SLC17A6: variants seen among roughly 807,000 people sequenced by gnomAD.
SLC17A6 encodes vesicular glutamate transporter 2.
A neutral mutation model predicts 67.1 loss-of-function variants in SLC17A6; 35 were observed. The ratio of observed to expected loss-of-function variants is 0.52; its 90% CI spans 0.40 to 0.69. The LOEUF is 0.69. SLC17A6 is among the 30% of genes least tolerant of loss of function. SLC17A6 has a pLI of 0.00. For synonymous variants in SLC17A6, 285 were observed against 252.3 expected, an observed-to-expected ratio of 1.13 and a Z score of -1.23; for missense variants, 588 against 723.9, an observed-to-expected ratio of 0.81 and a Z score of 2.15.
Position 22,376,106 on chromosome 11 carries a change from T to G in SLC17A6, c.1285+14T>G. ...TTGCTATATCTGGTAAGATATAATT[T>G]TTTTTCTTTGTACTTGGGACATTCT... On this transcript the variant is annotated intron_variant, in intron 10 of 11. Transcript: ENST00000263160. The G allele has an allele frequency of 6.3e-7, 1 of 1,590,414 alleles. No individual in the cohort carries two copies. The highest frequency in any genetic ancestry group is 1.1e-5 in the South Asian group (1 of 88,136).
intron 8 of SLC17A6, among the ~76,000 whole-genome samples, chr11:22,371,101 T>C (rs1856170583): frequency 6.6e-6 from 1 of 152,118 alleles, no homozygotes; most frequent in Non-Finnish European, 1.5e-5. Flanking sequence ...ACAAAGATTC[T>C]TTGATTTCTG....
At chr11:22,362,673 G>A in intron 5 of SLC17A6, 66 bp from the exon 6 acceptor site, 10 of 1,318,208 alleles carry the variant, frequency 7.6e-6, no homozygotes, top group Non-Finnish European at 1.1e-5. Flanking sequence ...ACAAAGGAAT[G>A]TGAGATGATA....
In SLC17A6 at chr11:22,351,267, A is replaced by G. The variant is rs1421175509; in HGVS notation, c.458+7902A>G. On this transcript the variant is annotated intron_variant, in intron 3 of 11. Coordinates refer to ENST00000263160, the MANE Select transcript of SLC17A6 (RefSeq NM_020346.3). ...TTATTATATTTCAGATTCAAGGGAT[A>G]CATGTACAGGCTTGTCATGTGGATA... Among the ~76,000 whole-genome samples the G allele has an allele frequency of 4.6e-5, 7 of 152,282 alleles. No individual in the cohort carries two copies. The South Asian group carries it at 1.4e-3, about 32-fold the overall frequency.
At chr11:22,354,961 A>G (rs1221730308) in intron 3 of SLC17A6, among the ~76,000 whole-genome samples, 1 of 152,208 alleles carries the variant, frequency 6.6e-6, no homozygotes, top group Non-Finnish European at 1.5e-5. Context: ...GCATCAGACT[A>G]AGTCCTTTAG....
At chr11:22,362,714 T>C (rs1244498073) in intron 5 of SLC17A6, 25 bp from the exon 6 acceptor site, 3 of 1,582,322 alleles carry the variant, frequency 1.9e-6, no homozygotes, top group Non-Finnish European at 1.7e-6. Flanking sequence ...CACTCACCTT[T>C]CTCCCATTCT....
At chr11:22,338,913 T>C (rs1383552926) in intron 1 of SLC17A6, among the ~76,000 whole-genome samples, 1 of 150,628 alleles carries the variant, frequency 6.6e-6, no homozygotes, top group Non-Finnish European at 1.5e-5. Context: ...TTTATCTTCT[T>C]TACAGTTAAG....
Position 22,377,715 on chromosome 11 carries a change from A to T in SLC17A6, c.1724A>T (p.Tyr575Phe). 3.8e-6 allele frequency: 6 copies of T among 1,589,594 alleles called. No individual in the cohort carries two copies. Among genetic ancestry groups the T allele is most frequent in the Non-Finnish European group, 5.1e-6 (6 of 1,168,782 alleles). The change falls in exon 12 of 12, where the codon TAT becomes TTT. Residue 575 changes from tyrosine (Y) to phenylalanine (F), a missense_variant. Transcript: ENST00000263160. ...GGAGAAGTACAAGACTCACATAGCT[A>T]TAAGGACCGAGTTGATTATTCATAA... ...VQGEVQDSHS[Y>F]KDRVDYS
intron 4 of SLC17A6, among the ~76,000 whole-genome samples, chr11:22,359,823 A>G (rs1856029638): frequency 6.6e-6 from 1 of 152,152 alleles, no homozygotes; most frequent in Non-Finnish European, 1.5e-5. Flanking sequence ...GTGTCATGAC[A>G]AGAATTTTAG....
At chr11:22,373,346 TTTG>T (rs1278670166) in intron 8 of SLC17A6, among the ~76,000 whole-genome samples, 1 of 152,158 alleles carries the variant, frequency 6.6e-6, no homozygotes, top group African/African-American at 2.4e-5. Context: ...TCAGAATGTT[TTTG>T]TTGTTGTTCA....
intron 3 of SLC17A6, among the ~76,000 whole-genome samples, chr11:22,351,108 A>G (rs1033558029): frequency 6.6e-6 from 1 of 152,112 alleles, no homozygotes; most frequent in Admixed American, 6.6e-5. Context: ...CATCTTCATA[A>G]TTGCCTTTGT....
rs930513200 is a variant in SLC17A6, at chr11:22,338,475, C to T, written c.-59C>T. ...AGATTAAGACAATATGCGCAATCCT[C>T]GCCTTTCCTAGCAATCACTATTTAA... On this transcript the variant is annotated 5_prime_UTR_variant, in exon 1 of 12. Transcript: ENST00000263160. The T allele has an allele frequency of 6.4e-6, 8 of 1,249,918 alleles. No homozygotes were observed. The highest frequency in any genetic ancestry group is 3.8e-4 in the Middle Eastern group (2 of 5,302). 77.4% of individuals were successfully genotyped at this position (1,249,918 alleles called of 1,614,324 possible). A position where few individuals can be genotyped will look rare whatever the true frequency, so the allele number is the denominator to read the frequency against.
intron 5 of SLC17A6, chr11:22,362,374 T>C (rs946289370): frequency 1.2e-5 from 4 of 337,120 alleles, no homozygotes; most frequent in East Asian, 7.4e-5. Flanking sequence ...AGGAGATACA[T>C]GCTTGAGGTC....
rs1454188017 is a variant in SLC17A6 at position 22,377,705 on chromosome 11, T to G, written c.1714T>G (p.Ser572Ala). The change falls in exon 12 of 12, where the codon TCA becomes GCA. Residue 572 changes from serine to alanine, a missense_variant. This residue lies in a region of SLC17A6 where 414 missense variants were observed against 563.4 expected (regional missense o/e 0.73). Coordinates refer to ENST00000263160, the MANE Select transcript of SLC17A6 (RefSeq NM_020346.3). ...ATTTGTACAAGGAGAAGTACAAGAC[T>G]CACATAGCTATAAGGACCGAGTTGA... ...EEFVQGEVQD[S>A]HSYKDRVDYS The G allele has an allele frequency of 6.2e-7, 1 of 1,603,632 alleles. No homozygotes were observed.
intron 2 of SLC17A6, chr11:22,342,983 A>T: frequency 3.6e-6 from 2 of 560,482 alleles, no homozygotes; most frequent in East Asian, 4.2e-5. Context: ...CTTCATTCAG[A>T]TGATTCGATC....
Position 22,343,267 on chromosome 11 carries a change from C to T in SLC17A6, c.360C>T (p.Asp120=). The T allele has an allele frequency of 6.2e-7, 1 of 1,613,582 alleles. No homozygotes were observed. The highest frequency in any genetic ancestry group is 1.1e-5 in the South Asian group (1 of 90,936). ...CATAGAAAGCCAAATTCAACTGGGACCCGGAAACCGTGGGGATGATCCACG... is the reference window on the plus strand; with the variant it reads ...CATAGAAAGCCAAATTCAACTGGGATCCGGAAACCGTGGGGATGATCCACG... ...VIKEKAKFNW[D]PETVGMIHGS... is the part of the protein sequence containing the mutation. The change falls in exon 3 of 12, where the codon GAC becomes GAT. Residue 120 remains aspartate, a synonymous_variant. Coordinates refer to ENST00000263160, the MANE Select transcript of SLC17A6 (RefSeq NM_020346.3).
chr11:22,349,040 G>A (rs559452893), intron 3 of SLC17A6, among the ~76,000 whole-genome samples: 4 of 151,826 alleles, frequency 2.6e-5, no homozygotes, highest in South Asian at 4.2e-4. Flanking sequence ...AAACACACAC[G>A]GACACACAAA....
chr11:22,344,535 AG>A (rs1017789674), intron 3 of SLC17A6, among the ~76,000 whole-genome samples: 23 of 152,312 alleles, frequency 1.5e-4, no homozygotes, highest in African/African-American at 5.3e-4. Flanking sequence ...GTTTTGGGGC[AG>A]TGCTTTAAAA....
chr11:22,364,264 G>A (rs1034358577), intron 6 of SLC17A6, among the ~76,000 whole-genome samples: 19 of 152,004 alleles, frequency 1.2e-4, no homozygotes, highest in Admixed American at 3.3e-4. Context: ...GGCACTTTAG[G>A]TGAATTCTGT....
intron 8 of SLC17A6, among the ~76,000 whole-genome samples, chr11:22,374,165 A>G (rs1367626209): frequency 2.0e-5 from 3 of 152,226 alleles, no homozygotes; most frequent in Non-Finnish European, 4.4e-5. Context: ...GCTATTTAGC[A>G]TGAAATTAAT....
Sources: gnomAD v4.1 joint callset for allele counts (sites outside exome capture counted in the v4.1 genomes callset) on GRCh38, gnomAD v4.1.1 for gene constraint, gnomAD v4.1.1 regional missense constraint, MANE v1.5 for transcripts, NCBI Gene and HGNC (gene_info 2026-07-23, HGNC 2026-07-21) for gene names.